MLIP: variants seen among roughly 807,000 people sequenced by gnomAD.
The protein encoded by MLIP is muscular LMNA-interacting protein.
Under a neutral mutation model 84.8 loss-of-function variants are expected in MLIP, and 79 were observed. That is an observed-to-expected ratio of 0.93 (90% CI 0.78 to 1.12). MLIP has a LOEUF of 1.12. MLIP is among the 50% of genes most tolerant of loss of function. MLIP has a pLI of 0.00. For missense variants in MLIP, 1,257 were observed against 1,160.6 expected, an observed-to-expected ratio of 1.08 and a Z score of -1.21; for synonymous variants, 504 against 463.0, an observed-to-expected ratio of 1.09 and a Z score of -1.14.
At chr6:54,213,783 CAA>C (rs201063926) in intron 11 of MLIP, among the ~76,000 whole-genome samples, 2 of 67,774 alleles carry the variant, frequency 3.0e-5, no homozygotes, top group Non-Finnish European at 4.3e-5. Flanking sequence ...CAGAATTAAA[CAA>C]AAAAAAGTTT....
At chr6:54,187,960 T>C (rs544640967) in intron 9 of MLIP, among the ~76,000 whole-genome samples, 19 of 152,298 alleles carry the variant, frequency 1.2e-4, no homozygotes, top group African/African-American at 4.3e-4. Context: ...TGAGCCGAGA[T>C]TGCACCACTG....
chr6:54,214,191 T>C (rs1177540389), intron 11 of MLIP, among the ~76,000 whole-genome samples: 4 of 152,210 alleles, frequency 2.6e-5, no homozygotes, highest in African/African-American at 9.7e-5. Flanking sequence ...TGAAAATCTC[T>C]TTTGAGATGT....
At chr6:54,192,981 T>C (rs1479749871) in intron 10 of MLIP, among the ~76,000 whole-genome samples, 6 of 152,338 alleles carry the variant, frequency 3.9e-5, no homozygotes, top group African/African-American at 1.4e-4. Context: ...TACATCATTT[T>C]TTCATGCTTT....
chr6:54,086,546 A>G (rs1767502487), intron 1 of MLIP, among the ~76,000 whole-genome samples: 1 of 152,206 alleles, frequency 6.6e-6, no homozygotes, highest in South Asian at 2.1e-4. Flanking sequence ...GAGTGAGATC[A>G]TGTCACCACT....
intron 13 of MLIP, among the ~76,000 whole-genome samples, chr6:54,263,431 C>G (rs1226191159): frequency 6.6e-6 from 1 of 151,746 alleles, no homozygotes; most frequent in Non-Finnish European, 1.5e-5. Context: ...CATTTGAAAT[C>G]TTTCAGGAAA....
At chr6:54,088,376 G>A (rs1276744855) in intron 1 of MLIP, among the ~76,000 whole-genome samples, 2 of 150,522 alleles carry the variant, frequency 1.3e-5, no homozygotes, top group African/African-American at 4.8e-5. Context: ...TTTCCCTGAG[G>A]TTCTGTAGTA....
rs760276534 is a variant in MLIP at position 54,121,436 on chromosome 6, A to C, written c.97-11A>C. ...CAAGGCTGAAAGTCTAATTAACTAC[A>C]TGTCTCATAGGTCTCTGCTGGTGGT... On this transcript the variant is annotated splice_polypyrimidine_tract_variant and intron_variant, in intron 1 of 13. Coordinates refer to ENST00000502396, the MANE Select transcript of MLIP (RefSeq NM_001281747.2). 4 of 1,612,846 alleles carry C rather than the reference A, an allele frequency of 2.5e-6. No homozygotes were observed. Among genetic ancestry groups the C allele is most frequent in the South Asian group, 2.2e-5 (2 of 90,604 alleles).
intron 13 of MLIP, among the ~76,000 whole-genome samples, chr6:54,265,089 T>C (rs948290994): frequency 1.3e-5 from 2 of 152,018 alleles, no homozygotes; most frequent in Admixed American, 6.6e-5. Flanking sequence ...ACCTCCTTTA[T>C]TTTCTACCAG....
chr6:54,064,815 A>AGTT (rs1766164456), intron 1 of MLIP, among the ~76,000 whole-genome samples: 1 of 99,132 alleles, frequency 1.0e-5, no homozygotes, highest in African/African-American at 2.6e-5. Context: ...AATATATATG[A>AGTT]ATATATAAGT....
At chr6:54,229,666 C>T (rs950681048) in intron 11 of MLIP, among the ~76,000 whole-genome samples, 8 of 152,136 alleles carry the variant, frequency 5.3e-5, no homozygotes, top group Non-Finnish European at 7.3e-5. Flanking sequence ...TAATGGCTTC[C>T]GGCTCCATCC....
At chr6:54,037,459 G>A (rs1254126475) in intron 1 of MLIP, among the ~76,000 whole-genome samples, 11 of 151,984 alleles carry the variant, frequency 7.2e-5, no homozygotes. Flanking sequence ...GTGTGTGATA[G>A]AGAGGGAGAA....
chr6:54,126,972 T>A (rs1770972178), intron 3 of MLIP, among the ~76,000 whole-genome samples: 1 of 152,122 alleles, frequency 6.6e-6, no homozygotes, highest in Non-Finnish European at 1.5e-5. Flanking sequence ...TCTATCTACA[T>A]CTTTTACCTC....
intron 11 of MLIP, among the ~76,000 whole-genome samples, chr6:54,204,071 A>G (rs553534684): frequency 2.0e-5 from 3 of 152,342 alleles, no homozygotes; most frequent in East Asian, 1.9e-4. Flanking sequence ...TTTATTTACA[A>G]AATTCAGATG....
At chr6:54,079,189 T>C (rs1434978990) in intron 1 of MLIP, among the ~76,000 whole-genome samples, 1 of 152,230 alleles carries the variant, frequency 6.6e-6, no homozygotes, top group Non-Finnish European at 1.5e-5. Flanking sequence ...AGATACTATA[T>C]TTTCTATCAG....
At chr6:54,194,105 G>C (rs192767620) in intron 10 of MLIP, among the ~76,000 whole-genome samples, 1 of 152,304 alleles carries the variant, frequency 6.6e-6, no homozygotes, top group Admixed American at 6.5e-5. Flanking sequence ...GTAAAAGCAA[G>C]ATGCTATTTA....
chr6:54,069,617 A>G (rs1766368073), intron 1 of MLIP, among the ~76,000 whole-genome samples: 1 of 99,634 alleles, frequency 1.0e-5, no homozygotes, highest in Admixed American at 9.4e-5. Context: ...TGTAAGTGTT[A>G]TATAAAGAGT....
intron 12 of MLIP, among the ~76,000 whole-genome samples, chr6:54,238,171 A>C (rs1425374242): frequency 6.6e-6 from 1 of 152,198 alleles, no homozygotes; most frequent in Non-Finnish European, 1.5e-5. Flanking sequence ...TTAGAAAAAT[A>C]ATATTCTTCC....
chr6:54,253,941 T>C (rs1782811826), intron 12 of MLIP, among the ~76,000 whole-genome samples: 2 of 151,910 alleles, frequency 1.3e-5, no homozygotes, highest in Non-Finnish European at 2.9e-5. Context: ...TCTTTCCATG[T>C]TAAATAATGC....
At chr6:54,098,087 A>T (rs973599610) in intron 1 of MLIP, among the ~76,000 whole-genome samples, 1 of 151,340 alleles carries the variant, frequency 6.6e-6, no homozygotes, top group African/African-American at 2.4e-5. Flanking sequence ...GTCATGGAGG[A>T]GAGACCTCAG....
Sources: gnomAD v4.1 joint callset for allele counts (sites outside exome capture counted in the v4.1 genomes callset) on GRCh38, gnomAD v4.1.1 for gene constraint, MANE v1.5 for transcripts, NCBI Gene and HGNC (gene_info 2026-07-23, HGNC 2026-07-21) for gene names.